KCNN2: variants seen among roughly 807,000 people sequenced by gnomAD.
The protein encoded by KCNN2 is small conductance calcium-activated potassium channel protein 2.
In KCNN2, 24 loss-of-function variants were observed where a neutral mutation model predicts 55.5. The observed-to-expected ratio is 0.43, with a 90% CI of 0.31 to 0.61. The LOEUF (loss-of-function observed/expected upper bound fraction) is 0.61. KCNN2 is among the 20% of genes least tolerant of loss of function. KCNN2 has a pLI of 0.08. For synonymous variants in KCNN2, 431 were observed against 336.1 expected (o/e 1.28, Z -3.09); for missense variants, 754 against 853.6 (o/e 0.88, Z 1.45).
At chr5:114,129,700 C>T (rs1036344737) in intron 1 of KCNN2, among the ~76,000 whole-genome samples, 1 of 152,186 alleles carries the variant, frequency 6.6e-6, no homozygotes, top group Non-Finnish European at 1.5e-5. Flanking sequence ...GAGTTTCACA[C>T]GTGGTCCTCT....
intron 2 of KCNN2, 106 bp downstream of exon 2, chr5:114,364,107 G>C: frequency 1.3e-6 from 1 of 792,366 alleles, no homozygotes. Flanking sequence ...CTTGCTTGAG[G>C]TTACAGAAGA....
intron 2 of KCNN2, among the ~76,000 whole-genome samples, chr5:114,229,913 A>G (rs912918451): frequency 6.6e-6 from 1 of 152,160 alleles, no homozygotes; most frequent in African/African-American, 2.4e-5. Flanking sequence ...TTAAGCCTGC[A>G]CTAGATGCAT....
intron 3 of KCNN2, among the ~76,000 whole-genome samples, chr5:114,462,540 G>T (rs1254790908): frequency 6.6e-6 from 1 of 152,130 alleles, no homozygotes. Flanking sequence ...AAGCACTGAG[G>T]GGAAGAGAAG....
chr5:114,362,063 A>C (rs962661964), upstream of KCNN2: 3 of 153,164 alleles, frequency 2.0e-5, no homozygotes, highest in African/African-American at 7.3e-5. Context: ...CAGCAGCAGG[A>C]GTCCCCGCTC....
chr5:114,128,120 A>G (rs989967368), intron 1 of KCNN2, among the ~76,000 whole-genome samples: 4 of 152,034 alleles, frequency 2.6e-5, no homozygotes, highest in African/African-American at 9.7e-5. Flanking sequence ...TTGCTTCCAC[A>G]TTTTTGAGTA....
At chr5:114,436,482 G>T (rs1353506760) in intron 3 of KCNN2, among the ~76,000 whole-genome samples, 2 of 152,258 alleles carry the variant, frequency 1.3e-5, no homozygotes, top group Non-Finnish European at 2.9e-5. Context: ...TTGATCAGAT[G>T]AATAAGGCCT....
At chr5:114,247,202 C>CAAAAAAAAAAA (rs370172975) in intron 2 of KCNN2, among the ~76,000 whole-genome samples, 179 of 67,882 alleles carry the variant, frequency 2.6e-3, no homozygotes, top group East Asian at 6.1e-3. Context: ...CATATGTCTC[C>CAAAAAAAAAAA]AAAAAAAAAA....
At chr5:114,410,621 C>T (rs1341902138) in intron 3 of KCNN2, among the ~76,000 whole-genome samples, 1 of 151,972 alleles carries the variant, frequency 6.6e-6, no homozygotes, top group African/African-American at 2.4e-5. Context: ...GAAATCTTTT[C>T]CTTTTTGACA....
intron 5 of KCNN2, among the ~76,000 whole-genome samples, chr5:114,478,982 C>T (rs960322205): frequency 6.6e-6 from 1 of 151,788 alleles, no homozygotes; most frequent in African/African-American, 2.4e-5. Context: ...ATGAAGCAAC[C>T]AAATAAGCAA....
chr5:114,115,234 C>T (rs974157183), intron 1 of KCNN2, among the ~76,000 whole-genome samples: 3 of 152,046 alleles, frequency 2.0e-5, no homozygotes, highest in South Asian at 2.1e-4. Flanking sequence ...TTGATGTTCC[C>T]GAAAATGTCT....
chr5:114,417,267 T>C (rs1300542697), intron 3 of KCNN2, among the ~76,000 whole-genome samples: 1 of 152,224 alleles, frequency 6.6e-6, no homozygotes, highest in Non-Finnish European at 1.5e-5. Context: ...GCCCTTAGAA[T>C]TTCTGGCTTA....
chr5:114,127,920 A>T (rs184734768), intron 1 of KCNN2, among the ~76,000 whole-genome samples: 1 of 152,102 alleles, frequency 6.6e-6, no homozygotes, highest in African/African-American at 2.4e-5. Context: ...CCTTTATTCC[A>T]GTTCCCAACA....
chr5:114,362,669 G>T lies in KCNN2; in HGVS notation c.530G>T (p.Gly177Val), dbSNP rs1488755558. The T allele has an allele frequency of 6.4e-6, 9 of 1,414,506 alleles. No individual in the cohort carries two copies. Among genetic ancestry groups the T allele is most frequent in the Non-Finnish European group, 8.3e-6 (9 of 1,081,154 alleles). 87.6% of individuals were successfully genotyped at this position (1,414,506 alleles called of 1,614,324 possible). A position where few individuals can be genotyped will look rare whatever the true frequency, so the allele number is the denominator to read the frequency against. The change falls in exon 1 of 8, where the codon GGC becomes GTC. Residue 177 changes from glycine (G) to valine (V), a missense_variant. Physicochemically the swap from Gly to Val is moderately radical, Grantham distance 109. This residue lies in a region of KCNN2 where 381 missense variants were observed against 259.1 expected (regional missense o/e 1.47). Transcript: ENST00000673685. ...ASPTGSLGSL[G>V]SGPPLSHHHH... ...CCCACGGGCAGCCTCGGCAGTCTGG[G>T]CTCCGGGCCCCCGCTCTCGCACCAC...
chr5:114,263,951 G>A (rs1218998117), intron 2 of KCNN2, among the ~76,000 whole-genome samples: 2 of 152,170 alleles, frequency 1.3e-5, no homozygotes, highest in Non-Finnish European at 2.9e-5. Flanking sequence ...CCAAATGCAA[G>A]CAAGGCTCTC....
chr5:114,459,336 C>G (rs1183534504), intron 3 of KCNN2, among the ~76,000 whole-genome samples: 1 of 152,122 alleles, frequency 6.6e-6, no homozygotes, highest in East Asian at 1.9e-4. Flanking sequence ...GAAATTTGTA[C>G]AAATCATTTC....
intron 2 of KCNN2, among the ~76,000 whole-genome samples, chr5:114,238,119 A>G (rs1212856465): frequency 2.0e-5 from 3 of 152,230 alleles, no homozygotes; most frequent in South Asian, 2.1e-4. Context: ...TGCAGGAAAC[A>G]TAATTCACAT....
chr5:114,363,036 A>C lies in KCNN2; in HGVS notation c.897A>C (p.Gly299=). 1 of 1,605,342 alleles carries C rather than the reference A, an allele frequency of 6.2e-7. No individual in the cohort carries two copies. Among genetic ancestry groups the C allele is most frequent in the South Asian group, 1.1e-5 (1 of 90,654 alleles). ...NNLALYGTGG[G]GSTGGGGGGG... ...TGGCGCTCTATGGAACCGGCGGCGG[A>C]GGCAGCACTGGAGGAGGCGGCGGCG... The change falls in exon 1 of 8, where the codon GGA becomes GGC. Residue 299 remains glycine (G), a synonymous_variant. Transcript: ENST00000673685.
chr5:114,239,353 A>T (rs1439776507), intron 2 of KCNN2, among the ~76,000 whole-genome samples: 1 of 152,184 alleles, frequency 6.6e-6, no homozygotes, highest in African/African-American at 2.4e-5. Flanking sequence ...GGTGTGAGGA[A>T]TAGAGGACAG....
intron 2 of KCNN2, among the ~76,000 whole-genome samples, chr5:114,255,247 C>T (rs1387999198): frequency 6.6e-6 from 1 of 151,962 alleles, no homozygotes; most frequent in Non-Finnish European, 1.5e-5. Context: ...CTTACACGTG[C>T]ATTGTAGTGT....
Sources: gnomAD v4.1 joint callset for allele counts (sites outside exome capture counted in the v4.1 genomes callset) on GRCh38, gnomAD v4.1.1 for gene constraint, gnomAD v4.1.1 regional missense constraint, MANE v1.5 for transcripts, NCBI Gene and HGNC (gene_info 2026-07-23, HGNC 2026-07-21) for gene names.